The following GNAQ variants were observed in gnomAD, a reference collection of about 807,000 sequenced individuals.
The protein encoded by GNAQ is G protein subunit alpha q.
In GNAQ, 8 loss-of-function variants were observed where a neutral mutation model predicts 43.9. That is an observed-to-expected ratio of 0.18 (90% CI 0.11 to 0.33). The LOEUF is 0.33. Among genes scored for constraint, GNAQ ranks in the 10% least tolerant of loss-of-function variants. GNAQ has a pLI of 1.00. For synonymous variants in GNAQ, 155 were observed against 170.7 expected, an observed-to-expected ratio of 0.91 and a Z score of 0.71; for missense variants, 158 against 450.8, an observed-to-expected ratio of 0.35 and a Z score of 5.88.
rs1441728116 is a variant in GNAQ at position 77,720,758 on chromosome 9, A to T, written c.*565T>A. 3 of 233,494 alleles carry T rather than the reference A, an allele frequency of 1.3e-5. No individual in the cohort carries two copies. The highest frequency in any genetic ancestry group is 1.1e-4 in the Admixed American group (2 of 17,782). 14.5% of individuals were successfully genotyped at this position (233,494 alleles called of 1,614,324 possible). A position where few individuals can be genotyped will look rare whatever the true frequency, so the allele number is the denominator to read the frequency against. On this transcript the variant is annotated 3_prime_UTR_variant, in exon 7 of 7. Transcript: ENST00000286548. ...ACTATGTGTGTATCCAAAGCAACAC[A>T]TTTAAAACCGTAAGTATTAATACAT...
At chr9:77,768,781 G>GT (rs1826174261) in intron 5 of GNAQ, among the ~76,000 whole-genome samples, 1 of 152,190 alleles carries the variant, frequency 6.6e-6, no homozygotes, top group Admixed American at 6.5e-5. Context: ...CTCTCGGTTA[G>GT]CAGTAGTCTT....
At chr9:77,775,409 CTTTTT>C (rs555902583) in intron 5 of GNAQ, among the ~76,000 whole-genome samples, 1 of 130,960 alleles carries the variant, frequency 7.6e-6, no homozygotes, top group East Asian at 2.2e-4. Context: ...CCTCATCTCT[CTTTTT>C]TTTTTTTTTT....
chr9:77,730,387 G>C (rs957045855), intron 5 of GNAQ, among the ~76,000 whole-genome samples: 6 of 152,142 alleles, frequency 3.9e-5, no homozygotes, highest in African/African-American at 1.4e-4. Flanking sequence ...TTGCTCCTCT[G>C]CATAACCCTT....
chr9:77,939,081 C>T (rs1330775383), intron 1 of GNAQ, among the ~76,000 whole-genome samples: 1 of 152,200 alleles, frequency 6.6e-6, no homozygotes, highest in African/African-American at 2.4e-5. Context: ...GACACCAGTA[C>T]AAATCAAGTT....
chr9:77,836,800 C>T (rs971842971), intron 2 of GNAQ, among the ~76,000 whole-genome samples: 39 of 151,990 alleles, frequency 2.6e-4, no homozygotes, highest in African/African-American at 9.2e-4. Flanking sequence ...GTATTAAATC[C>T]TATATCTATA....
chr9:77,940,693 C>G (rs1406376213), intron 1 of GNAQ, among the ~76,000 whole-genome samples: 1 of 152,162 alleles, frequency 6.6e-6, no homozygotes, highest in African/African-American at 2.4e-5. Flanking sequence ...GTCGGCTGCG[C>G]GCGGTGGCTC....
chr9:77,767,166 A>C (rs1826149788), intron 5 of GNAQ, among the ~76,000 whole-genome samples: 1 of 152,134 alleles, frequency 6.6e-6, no homozygotes, highest in African/African-American at 2.4e-5. Flanking sequence ...GGTTGGGAGA[A>C]AGGTATGGCG....
At position 77,767,696 on chromosome 9, in the gene GNAQ, A is replaced by G. The variant is rs1238001319; in HGVS notation, c.735+26767T>C. Among the ~76,000 whole-genome samples, 5 of 152,236 alleles carry G rather than the reference A, an allele frequency of 3.3e-5. No individual in the cohort carries two copies. The East Asian group carries it at 7.7e-4, about 23-fold the overall frequency. ...CTTGTAAAAAAACTCTTAAAAGGTG[A>G]TAAAACTACTTAAAGAATAATTTAG... On this transcript the variant is annotated intron_variant, in intron 5 of 6. Coordinates refer to ENST00000286548, the MANE Select transcript of GNAQ (RefSeq NM_002072.5).
chr9:77,976,632 C>A (rs533861831), intron 1 of GNAQ, among the ~76,000 whole-genome samples: 1 of 152,284 alleles, frequency 6.6e-6, no homozygotes, highest in Non-Finnish European at 1.5e-5. Context: ...CCTCGTGATC[C>A]ACCCACCTCA....
chr9:77,758,561 G>A (rs562016219), intron 5 of GNAQ, among the ~76,000 whole-genome samples: 2 of 152,036 alleles, frequency 1.3e-5, no homozygotes, highest in Non-Finnish European at 2.9e-5. Flanking sequence ...ATACAAAGTA[G>A]GAATACCTTC....
intron 2 of GNAQ, among the ~76,000 whole-genome samples, chr9:77,834,152 G>C (rs1827345668): frequency 6.6e-6 from 1 of 152,200 alleles, no homozygotes; most frequent in Non-Finnish European, 1.5e-5. Context: ...CTACAAATAT[G>C]TATTTGTGAA....
chr9:77,999,175 T>G (rs1283185692), intron 1 of GNAQ, among the ~76,000 whole-genome samples: 2 of 150,982 alleles, frequency 1.3e-5, no homozygotes, highest in Non-Finnish European at 3.0e-5. Flanking sequence ...AACTGTAGAT[T>G]ACCTATAAAT....
chr9:77,984,731 C>T (rs752743424), intron 1 of GNAQ, among the ~76,000 whole-genome samples: 8 of 152,226 alleles, frequency 5.3e-5, no homozygotes, highest in South Asian at 4.1e-4. Flanking sequence ...GGTGCTCTAA[C>T]GCAGGGGTTC....
intron 2 of GNAQ, among the ~76,000 whole-genome samples, chr9:77,842,288 G>A (rs1827504526): frequency 6.6e-6 from 1 of 152,164 alleles, no homozygotes; most frequent in Non-Finnish European, 1.5e-5. Context: ...GGCTCTAACT[G>A]TAGTAAGAAA....
chr9:77,956,820 G>A (rs532227864), intron 1 of GNAQ, among the ~76,000 whole-genome samples: 7 of 152,264 alleles, frequency 4.6e-5, no homozygotes, highest in African/African-American at 1.4e-4. Flanking sequence ...GGGACACACT[G>A]TCTCTTTACT....
At chr9:77,832,420 A>C (rs918402286) in intron 2 of GNAQ, among the ~76,000 whole-genome samples, 5 of 152,188 alleles carry the variant, frequency 3.3e-5, no homozygotes, top group African/African-American at 1.2e-4. Flanking sequence ...GGGTGGGAAC[A>C]AACTGATGTG....
At chr9:77,755,446 C>A (rs1825886624) in intron 5 of GNAQ, among the ~76,000 whole-genome samples, 1 of 152,042 alleles carries the variant, frequency 6.6e-6, no homozygotes, top group Non-Finnish European at 1.5e-5. Flanking sequence ...ACACTGCATG[C>A]CTCTATCAAA....
intron 1 of GNAQ, among the ~76,000 whole-genome samples, chr9:77,992,980 GAATT>G (rs1823527324): frequency 1.3e-5 from 2 of 152,114 alleles, no homozygotes; most frequent in South Asian, 4.2e-4. Flanking sequence ...ATATTAGGAG[GAATT>G]AATTTTTATT....
At chr9:77,810,535 A>G (rs1323357522) in intron 3 of GNAQ, among the ~76,000 whole-genome samples, 1 of 152,228 alleles carries the variant, frequency 6.6e-6, no homozygotes, top group African/African-American at 2.4e-5. Flanking sequence ...AATATTCAGT[A>G]AATAGCAGCT....
Sources: gnomAD v4.1 joint callset for allele counts (sites outside exome capture counted in the v4.1 genomes callset) on GRCh38, gnomAD v4.1.1 for gene constraint, MANE v1.5 for transcripts, NCBI Gene and HGNC (gene_info 2026-07-23, HGNC 2026-07-21) for gene names.